The following ST8SIA1 variants were observed in gnomAD, a reference collection of about 807,000 sequenced individuals.
The protein encoded by ST8SIA1 is ST8 alpha-N-acetyl-neuraminide alpha-2,8-sialyltransferase 1.
Under a neutral mutation model 35.9 loss-of-function variants are expected in ST8SIA1, and 16 were observed. The ratio of observed to expected loss-of-function variants is 0.45; its 90% CI spans 0.30 to 0.68. The LOEUF (loss-of-function observed/expected upper bound fraction) is 0.68. ST8SIA1 is among the 30% of genes least tolerant of loss of function. ST8SIA1 has a pLI of 0.09. For missense variants in ST8SIA1, 383 were observed against 453.6 expected, an observed-to-expected ratio of 0.84 and a Z score of 1.41; for synonymous variants, 170 against 169.6, an observed-to-expected ratio of 1.00 and a Z score of -0.02.
At chr12:22,313,359 C>T (rs1223833222) in intron 1 of ST8SIA1, among the ~76,000 whole-genome samples, 1 of 152,104 alleles carries the variant, frequency 6.6e-6, no homozygotes, top group African/African-American at 2.4e-5. Context: ...GAAAGCTCAG[C>T]GCAGTCAAGC....
At chr12:22,241,041 G>A (rs890784390) in intron 4 of ST8SIA1, among the ~76,000 whole-genome samples, 1 of 147,924 alleles carries the variant, frequency 6.8e-6, no homozygotes, top group African/African-American at 2.5e-5. Flanking sequence ...TGCAATCATG[G>A]CTAACCTTAA....
At chr12:22,293,556 T>C (rs1682092374) in intron 1 of ST8SIA1, among the ~76,000 whole-genome samples, 1 of 152,230 alleles carries the variant, frequency 6.6e-6, no homozygotes, top group African/African-American at 2.4e-5. Flanking sequence ...CTTGGGTTAA[T>C]GTCACAGAGC....
intron 1 of ST8SIA1, among the ~76,000 whole-genome samples, chr12:22,314,423 G>C (rs1168324119): frequency 6.6e-6 from 1 of 152,028 alleles, no homozygotes; most frequent in Non-Finnish European, 1.5e-5. Flanking sequence ...CTACTGGGAG[G>C]ATCACTTGAA....
At chr12:22,223,863 AAAT>A (rs1865328113) in intron 4 of ST8SIA1, 1 of 1,061,334 alleles carries the variant, frequency 9.4e-7, no homozygotes, top group Non-Finnish European at 1.2e-6. Flanking sequence ...TAATTGTGCA[AAAT>A]AATACTTAAT....
chr12:22,235,079 G>GATTTATAAA (rs1158513380), intron 4 of ST8SIA1, among the ~76,000 whole-genome samples: 1 of 152,150 alleles, frequency 6.6e-6, no homozygotes, highest in Non-Finnish European at 1.5e-5. Flanking sequence ...CAGGGTGTGT[G>GATTTATAAA]TGTCCAAAGA....
At chr12:22,229,293 A>G (rs931038061) in intron 4 of ST8SIA1, among the ~76,000 whole-genome samples, 10 of 152,054 alleles carry the variant, frequency 6.6e-5, no homozygotes, top group Non-Finnish European at 4.4e-5. Context: ...AGATTAATAG[A>G]TAGGGATGAT....
chr12:22,259,688 G>T (rs949954532), intron 2 of ST8SIA1, among the ~76,000 whole-genome samples: 1 of 151,946 alleles, frequency 6.6e-6, no homozygotes, highest in Admixed American at 6.6e-5. Context: ...GGATGGTCTC[G>T]ATCTCCTGAC....
chr12:22,286,092 G>T (rs1485178425), intron 2 of ST8SIA1, among the ~76,000 whole-genome samples: 2 of 152,124 alleles, frequency 1.3e-5, no homozygotes, highest in African/African-American at 4.8e-5. Context: ...TATTTCCTTT[G>T]ACACCTGGAA....
At chr12:22,326,760 T>G in intron 1 of ST8SIA1, among the ~76,000 whole-genome samples, 1 of 152,322 alleles carries the variant, frequency 6.6e-6, no homozygotes, top group Non-Finnish European at 1.5e-5. Flanking sequence ...TTTCAGATGA[T>G]GCAACAAAGG....
At chr12:22,246,654 G>GT (rs1032852078) in intron 4 of ST8SIA1, among the ~76,000 whole-genome samples, 58 of 149,624 alleles carry the variant, frequency 3.9e-4, no homozygotes, top group African/African-American at 7.1e-4. Flanking sequence ...AGCAGTTTGG[G>GT]TTTTTTTTTT....
intron 1 of ST8SIA1, among the ~76,000 whole-genome samples, chr12:22,331,349 G>C (rs921451283): frequency 1.3e-5 from 2 of 152,200 alleles, no homozygotes; most frequent in African/African-American, 4.8e-5. Context: ...ATCTGATGTA[G>C]AGTAGTCACT....
chr12:22,292,138 A>G (rs1418129953), intron 1 of ST8SIA1, among the ~76,000 whole-genome samples: 1 of 152,152 alleles, frequency 6.6e-6, no homozygotes, highest in South Asian at 2.1e-4. Context: ...AAAAAATGCT[A>G]AATTGGAACT....
chr12:22,214,066 T>C (rs1865206201), intron 4 of ST8SIA1, among the ~76,000 whole-genome samples: 1 of 152,150 alleles, frequency 6.6e-6, no homozygotes, highest in South Asian at 2.1e-4. Context: ...TATCCAAATT[T>C]GAACATGTTG....
intron 1 of ST8SIA1, among the ~76,000 whole-genome samples, chr12:22,330,648 G>A (rs916965863): frequency 2.0e-5 from 3 of 152,108 alleles, no homozygotes; most frequent in Admixed American, 6.5e-5. Flanking sequence ...CATAAATGTG[G>A]ATAATGATAT....
At chr12:22,310,370 C>A (rs1217553728) in intron 1 of ST8SIA1, among the ~76,000 whole-genome samples, 1 of 152,162 alleles carries the variant, frequency 6.6e-6, no homozygotes, top group Non-Finnish European at 1.5e-5. Context: ...AGTGGCTGCA[C>A]AACCTTGTGT....
intron 1 of ST8SIA1, among the ~76,000 whole-genome samples, chr12:22,293,688 A>G (rs1866208774): frequency 6.6e-6 from 1 of 152,170 alleles, no homozygotes; most frequent in Non-Finnish European, 1.5e-5. Context: ...TCTCCTTCTT[A>G]ATAGTTAGAG....
intron 4 of ST8SIA1, among the ~76,000 whole-genome samples, chr12:22,244,054 A>G (rs989168428): frequency 6.6e-6 from 1 of 152,106 alleles, no homozygotes; most frequent in African/African-American, 2.4e-5. Flanking sequence ...GTTTTTATCA[A>G]TCCTTATGTT....
intron 3 of ST8SIA1, among the ~76,000 whole-genome samples, chr12:22,253,424 C>T (rs562236031): frequency 3.3e-5 from 5 of 152,190 alleles, no homozygotes; most frequent in Non-Finnish European, 7.3e-5. Context: ...CTGTTCATGA[C>T]ACTGCAACAG....
chr12:22,327,690 A>G (rs1373900010), intron 1 of ST8SIA1, among the ~76,000 whole-genome samples: 2 of 152,084 alleles, frequency 1.3e-5, no homozygotes, highest in African/African-American at 4.8e-5. Flanking sequence ...AAAATCTTAA[A>G]CAGCTGTTAT....
Sources: allele counts gnomAD v4.1 joint callset (sites outside exome capture counted in the v4.1 genomes callset), GRCh38; gene constraint gnomAD v4.1.1; transcripts MANE v1.5; gene names NCBI Gene and HGNC (gene_info 2026-07-23, HGNC 2026-07-21).